The following NOL4 variants were observed in gnomAD, a reference collection of about 807,000 sequenced individuals.
The protein encoded by NOL4 is cancer/testis antigen 125.
A neutral mutation model predicts 75.9 loss-of-function variants in NOL4; 17 were observed. The observed-to-expected ratio is 0.22, with a 90% CI of 0.15 to 0.34. The LOEUF (loss-of-function observed/expected upper bound fraction) is 0.34, where lower values mean the gene tolerates loss of function less well. Among genes scored for constraint, NOL4 ranks in the 10% least tolerant of loss-of-function variants. The probability of loss-of-function intolerance (pLI) is 1.00; values close to 1 mark genes in which losing one functional copy is unlikely to be tolerated. For missense variants in NOL4, 614 were observed against 793.5 expected (o/e 0.77, Z 2.72); for synonymous variants, 292 against 289.9 (o/e 1.01, Z -0.07).
chr18:33,927,327 A>C (rs1176578529), intron 9 of NOL4, among the ~76,000 whole-genome samples: 1 of 152,164 alleles, frequency 6.6e-6, no homozygotes, highest in African/African-American at 2.4e-5. Context: ...AATAAATGTA[A>C]CTTGGGTTTT....
intron 10 of NOL4, among the ~76,000 whole-genome samples, chr18:33,867,679 C>A (rs866362472): frequency 4.4e-5 from 6 of 135,066 alleles, no homozygotes; most frequent in Non-Finnish European, 6.4e-5. Context: ...CACACACACA[C>A]AATTCCATAT....
At chr18:33,898,496 C>T (rs1358877852) in intron 9 of NOL4, among the ~76,000 whole-genome samples, 1 of 152,200 alleles carries the variant, frequency 6.6e-6, no homozygotes, top group African/African-American at 2.4e-5. Flanking sequence ...AAACAACACC[C>T]GTTATATCAC....
At chr18:34,160,440 A>G (rs577549672) in intron 1 of NOL4, among the ~76,000 whole-genome samples, 3 of 152,238 alleles carry the variant, frequency 2.0e-5, no homozygotes, top group East Asian at 3.9e-4. Flanking sequence ...TATATATATT[A>G]TATACTTGAT....
At chr18:33,897,446 G>T (rs563996045) in intron 9 of NOL4, among the ~76,000 whole-genome samples, 173 of 152,254 alleles carry the variant, frequency 1.1e-3, no homozygotes, top group African/African-American at 4.0e-3. Context: ...AAAATAGAAT[G>T]AGATCATGTC....
intron 5 of NOL4, among the ~76,000 whole-genome samples, chr18:34,087,660 A>G (rs180995966): frequency 3.9e-5 from 6 of 152,126 alleles, no homozygotes; most frequent in African/African-American, 1.4e-4. Context: ...GAAATATTGG[A>G]CCTCACATCA....
intron 5 of NOL4, among the ~76,000 whole-genome samples, chr18:34,062,156 G>A (rs1371170660): frequency 6.6e-6 from 1 of 151,956 alleles, no homozygotes; most frequent in East Asian, 1.9e-4. Context: ...TTGGTATTCT[G>A]TTCACCGACG....
At chr18:34,044,900 C>A (rs1211076264) in intron 5 of NOL4, among the ~76,000 whole-genome samples, 1 of 152,130 alleles carries the variant, frequency 6.6e-6, no homozygotes, top group Non-Finnish European at 1.5e-5. Context: ...TGGGCCAAGA[C>A]TATAGTCTGT....
At chr18:34,158,527 A>G (rs997907417) in intron 1 of NOL4, 4 of 152,226 alleles carry the variant, frequency 2.6e-5, no homozygotes, top group African/African-American at 9.6e-5. Context: ...GCACTGGCAT[A>G]TAGAACTGGA....
At chr18:34,198,827 G>A (rs1414284716) in intron 1 of NOL4, among the ~76,000 whole-genome samples, 2 of 151,690 alleles carry the variant, frequency 1.3e-5, no homozygotes, top group African/African-American at 4.8e-5. Flanking sequence ...TCTGTCAAAT[G>A]TTGCTTTATA....
intron 5 of NOL4, among the ~76,000 whole-genome samples, chr18:34,042,845 G>A (rs1426685987): frequency 1.3e-5 from 2 of 151,998 alleles, no homozygotes; most frequent in Non-Finnish European, 2.9e-5. Flanking sequence ...TCTTCATCAT[G>A]ACATTTTTCA....
intron 5 of NOL4, 80 bp from the exon 6 acceptor site, chr18:34,019,681 C>T: frequency 3.2e-6 from 4 of 1,267,090 alleles, no homozygotes; most frequent in Non-Finnish European, 4.4e-6. Flanking sequence ...TTATTGAGCT[C>T]CCATTATATG....
intron 1 of NOL4, among the ~76,000 whole-genome samples, chr18:34,134,307 G>A (rs1431398958): frequency 6.6e-6 from 1 of 151,758 alleles, no homozygotes; most frequent in Non-Finnish European, 1.5e-5. Context: ...AATGTATATT[G>A]TATGCTCAAG....
chr18:34,051,518 C>A (rs1170350158), intron 5 of NOL4, among the ~76,000 whole-genome samples: 1 of 152,022 alleles, frequency 6.6e-6, no homozygotes, highest in East Asian at 1.9e-4. Flanking sequence ...ACAATAACAT[C>A]TCCTTTAGTT....
At chr18:34,057,061 T>G (rs1377551475) in intron 5 of NOL4, among the ~76,000 whole-genome samples, 1 of 152,212 alleles carries the variant, frequency 6.6e-6, no homozygotes, top group Non-Finnish European at 1.5e-5. Context: ...GAGGAAGTCC[T>G]GGAGTGCTTA....
chr18:34,029,937 T>C (rs1481435439), intron 5 of NOL4, among the ~76,000 whole-genome samples: 2 of 152,212 alleles, frequency 1.3e-5, no homozygotes, highest in Non-Finnish European at 2.9e-5. Flanking sequence ...AATAAAGTAG[T>C]AAATTAAACC....
chr18:34,188,555 G>A (rs2034668453), intron 1 of NOL4, among the ~76,000 whole-genome samples: 1 of 152,158 alleles, frequency 6.6e-6, no homozygotes. Flanking sequence ...TTAGCCTACA[G>A]TTGGGCAAAA....
At chr18:34,046,649 T>TATATATATATATATATATATATATA (rs1192892093) in intron 5 of NOL4, among the ~76,000 whole-genome samples, 1 of 142,084 alleles carries the variant, frequency 7.0e-6, no homozygotes, top group Non-Finnish European at 1.5e-5. Flanking sequence ...TATATGTACT[T>TATATATATATATATATATATATATA]TACTCTGCTA....
chr18:33,870,055 G>T (rs953990347), intron 10 of NOL4, among the ~76,000 whole-genome samples: 1 of 151,936 alleles, frequency 6.6e-6, no homozygotes, highest in African/African-American at 2.4e-5. Context: ...TTTTTAAATG[G>T]CATAAATTGT....
intron 9 of NOL4, among the ~76,000 whole-genome samples, chr18:33,889,848 T>C (rs1470575993): frequency 2.0e-5 from 3 of 152,138 alleles, no homozygotes; most frequent in Non-Finnish European, 4.4e-5. Context: ...TCCTTCATGC[T>C]AAAAACTCTC....
Sources: gnomAD v4.1 joint callset for allele counts (sites outside exome capture counted in the v4.1 genomes callset) on GRCh38, gnomAD v4.1.1 for gene constraint, MANE v1.5 for transcripts, NCBI Gene and HGNC (gene_info 2026-07-23, HGNC 2026-07-21) for gene names.